Variants in ANKRD10 observed in about 807,000 individuals in gnomAD.
The protein encoded by ANKRD10 is ankyrin repeat domain 10, also known as ankyrin repeat domain-containing protein 10.
A neutral mutation model predicts 27.0 loss-of-function variants in ANKRD10; 14 were observed. The observed-to-expected ratio is 0.52, with a 90% CI of 0.34 to 0.81. The LOEUF is 0.81. ANKRD10 is among the 40% of genes least tolerant of loss of function. The pLI, the probability that ANKRD10 is intolerant of heterozygous loss-of-function variation, is 0.01. For missense variants in ANKRD10, 493 were observed against 544.0 expected (o/e 0.91, Z 0.93); for synonymous variants, 250 against 224.5 (o/e 1.11, Z -1.01).
At chr13:110,891,461 T>C (rs142871293) in intron 4 of ANKRD10, among the ~76,000 whole-genome samples, 22 of 152,362 alleles carry the variant, frequency 1.4e-4, no homozygotes, top group African/African-American at 5.1e-4. Flanking sequence ...CATAAAAATC[T>C]TGAATTTGAT....
At chr13:110,904,049 TTAAC>T (rs1205048802) in intron 3 of ANKRD10, 9 of 152,198 alleles carry the variant, frequency 5.9e-5, no homozygotes, top group African/African-American at 1.9e-4. Context: ...AACTTACAAA[TTAAC>T]TTACTGACAA....
chr13:110,898,932 T>A (rs1221565701), intron 3 of ANKRD10: 1 of 152,178 alleles, frequency 6.6e-6, no homozygotes, highest in African/African-American at 2.4e-5. Flanking sequence ...ATTTTTTGTA[T>A]TTTTAGTAGA....
At chr13:110,902,050 A>G (rs76047345) in intron 3 of ANKRD10, among the ~76,000 whole-genome samples, 3 of 5,230 alleles carry the variant, frequency 5.7e-4, no homozygotes, top group African/African-American at 1.6e-3. Context: ...CTCTTTTTAG[A>G]AAAAAAAAAA....
chr13:110,901,190 A>C (rs1229406553), intron 3 of ANKRD10, among the ~76,000 whole-genome samples: 1 of 152,218 alleles, frequency 6.6e-6, no homozygotes, highest in African/African-American at 2.4e-5. Context: ...TCTTCAGCAA[A>C]AGAAATACAT....
chr13:110,910,795 A>C, intron 1 of ANKRD10, 25 bp from the exon 2 acceptor site: 1 of 1,607,752 alleles, frequency 6.2e-7, no homozygotes, highest in Non-Finnish European at 8.5e-7. Context: ...GGGGTAATGA[A>C]AACACGCAGA....
At chr13:110,914,432 CCCG>C (rs2065822217) in intron 1 of ANKRD10, 2 of 252,654 alleles carry the variant, frequency 7.9e-6, no homozygotes, top group Non-Finnish European at 1.5e-5. Context: ...ACCCTTGGAG[CCCG>C]CCTTGTTAGA....
chr13:110,892,690 A>AT (rs1234962620), intron 4 of ANKRD10: 1 of 991,462 alleles, frequency 1.0e-6, no homozygotes, highest in African/African-American at 1.8e-5. Context: ...AAAAAAAAAA[A>AT]ATTCAGGCAC....
chr13:110,884,644 C>A (rs771092483), intron 4 of ANKRD10, among the ~76,000 whole-genome samples: 9 of 152,234 alleles, frequency 5.9e-5, no homozygotes, highest in Non-Finnish European at 1.0e-4. Flanking sequence ...GGCTGTATTA[C>A]GATTCGCCTA....
rs775751055 is a variant in ANKRD10 at position 110,880,033 on chromosome 13, C to T, written c.867G>A (p.Thr289=). ...TGCTTTCCATCCCACTGAGCGGGGT[C>T]GTGGAGGGGAAGTCCAAATGTCCAT... is the stretch of plus-strand genomic sequence containing the variant. ...VINGHLDFPS[T]TPLSGMESRN... Residue 289 remains threonine, a synonymous_variant, in exon 6 of 6, where the codon ACG becomes ACA. Coordinates refer to ENST00000267339, the MANE Select transcript of ANKRD10 (RefSeq NM_017664.4). The T allele has an allele frequency of 1.7e-5, 27 of 1,614,016 alleles. No individual in the cohort carries two copies. The highest frequency in any genetic ancestry group is 1.4e-4 in the South Asian group (13 of 91,084).
intron 4 of ANKRD10, among the ~76,000 whole-genome samples, chr13:110,891,687 GTCAC>G (rs1289739085): frequency 1.3e-5 from 2 of 152,078 alleles, no homozygotes; most frequent in African/African-American, 4.8e-5. Flanking sequence ...TTAACTGATA[GTCAC>G]TCAGTTTTCC....
chr13:110,914,196 C>T (rs1361354387), intron 1 of ANKRD10, among the ~76,000 whole-genome samples: 2 of 152,184 alleles, frequency 1.3e-5, no homozygotes, highest in African/African-American at 4.8e-5. Flanking sequence ...GTCCGCAGCG[C>T]GGCCCTCGGC....
chr13:110,903,729 C>A lies in ANKRD10; in HGVS notation c.455+2304G>T, dbSNP rs146962332. ...TGAATTTAATAATACTGATATAAGG[C>A]AGCTTTTAATCTATTCACAGGAAAA... On this transcript the variant is annotated intron_variant, in intron 3 of 5. Coordinates refer to ENST00000267339, the MANE Select transcript of ANKRD10 (RefSeq NM_017664.4). Among the ~76,000 whole-genome samples the A allele has an allele frequency of 3.3e-5, 5 of 152,254 alleles. No homozygotes were observed. The East Asian group carries it at 9.6e-4, about 29-fold the overall frequency.
chr13:110,892,881 A>G, intron 4 of ANKRD10, 147 bp downstream of exon 4: 1 of 1,440,136 alleles, frequency 6.9e-7, no homozygotes. Flanking sequence ...AGTACAGGAG[A>G]AATCTCCACC....
At position 110,883,883 on chromosome 13, in the gene ANKRD10, C is replaced by T. The variant is rs193118275; in HGVS notation, c.692-90G>A. 4.3e-4 allele frequency: 583 copies of T among 1,366,064 alleles called. 2 individuals are homozygous for T. In the African/African-American group the frequency reaches 7.4e-3, roughly 17 times the overall value. The allele number at this position is 1,366,064 out of a possible 1,614,324, so 84.6% of individuals were successfully genotyped here. A position where few individuals can be genotyped will look rare whatever the true frequency, so the allele number is the denominator to read the frequency against. The stretch of plus-strand genomic sequence containing the variant: ...CAGTTTACATTATTTTGTGTGAGCA[C>T]TGAACACTTTAAACAATCACATAAA... On this transcript the variant is annotated intron_variant, in intron 4 of 5. Coordinates refer to ENST00000267339, the MANE Select transcript of ANKRD10 (RefSeq NM_017664.4).
At chr13:110,884,892 T>C (rs1332356368) in intron 4 of ANKRD10, among the ~76,000 whole-genome samples, 1 of 152,162 alleles carries the variant, frequency 6.6e-6, no homozygotes, top group African/African-American at 2.4e-5. Context: ...TAGCTCTAGT[T>C]TTAGAGGCCC....
chr13:110,880,749 CG>C (rs2064801428), intron 5 of ANKRD10, among the ~76,000 whole-genome samples: 1 of 152,150 alleles, frequency 6.6e-6, no homozygotes, highest in East Asian at 1.9e-4. Context: ...CAGAAATCTA[CG>C]TAGTACTTCT....
At chr13:110,890,462 A>G (rs1324030563) in intron 4 of ANKRD10, among the ~76,000 whole-genome samples, 2 of 152,156 alleles carry the variant, frequency 1.3e-5, no homozygotes, top group Non-Finnish European at 2.9e-5. Flanking sequence ...AAATATAAAC[A>G]CACTCTTGTG....
rs1396997669 is a variant in ANKRD10, at chr13:110,910,682, G to C, written c.299C>G (p.Ala100Gly). 1 of 1,614,126 alleles carries C rather than the reference G, an allele frequency of 6.2e-7. No individual in the cohort carries two copies. The highest frequency in any genetic ancestry group is 8.5e-7 in the Non-Finnish European group (1 of 1,180,014). The change falls in exon 2 of 6, where the codon GCC (alanine) becomes GGC (glycine). Residue 100 changes from alanine to glycine, a missense_variant. Coordinates refer to ENST00000267339, the MANE Select transcript of ANKRD10 (RefSeq NM_017664.4). ...RYAQTPAHIA[A>G]FGGHPQCLVW... ...CAGGCACTGAGGATGTCCCCCAAAG[G>C]CTGCAATGTGGGCTGGCGTCTGCGC...
rs2065827133 is a variant in ANKRD10 at position 110,914,514 on chromosome 13, T to C, written c.210+211A>G. 4 of 554,658 alleles carry C rather than the reference T, an allele frequency of 7.2e-6. No homozygotes were observed. The East Asian group carries it at 1.2e-4, about 17-fold the overall frequency. 34.4% of individuals were successfully genotyped at this position (554,658 alleles called of 1,614,324 possible). On this transcript the variant is annotated intron_variant, in intron 1 of 5. Coordinates refer to ENST00000267339, the MANE Select transcript of ANKRD10 (RefSeq NM_017664.4). ...GGACGCAGGCGCCACCGACCTCGCT[T>C]CCGCCCCGCGCCCCCCGGCTGCCCC... is the stretch of plus-strand genomic sequence containing the variant.
Sources: gnomAD v4.1 joint callset for allele counts (sites outside exome capture counted in the v4.1 genomes callset) on GRCh38, gnomAD v4.1.1 for gene constraint, MANE v1.5 for transcripts, NCBI Gene and HGNC (gene_info 2026-07-23, HGNC 2026-07-21) for gene names.